PRR16: variants seen among roughly 807,000 people sequenced by gnomAD.
The protein encoded by PRR16 is proline rich 16.
PRR16 carries 6 observed loss-of-function variants against 18.2 expected under a neutral mutation model. The ratio of observed to expected loss-of-function variants is 0.33; its 90% CI spans 0.18 to 0.65. PRR16 has a LOEUF of 0.65. Among genes scored for constraint, PRR16 ranks in the 30% least tolerant of loss-of-function variants. PRR16 has a pLI of 0.74. For missense variants in PRR16, 412 were observed against 376.6 expected, an observed-to-expected ratio of 1.09 and a Z score of -0.78; for synonymous variants, 151 against 147.8, an observed-to-expected ratio of 1.02 and a Z score of -0.16.
At chr5:120,558,456 C>A (rs1752482221) in intron 1 of PRR16, among the ~76,000 whole-genome samples, 1 of 151,898 alleles carries the variant, frequency 6.6e-6, no homozygotes. Flanking sequence ...CAGCTCCATC[C>A]ATGTTGTAGA....
chr5:120,748,056 A>G, the PRR16 span, among the ~76,000 whole-genome samples: 1 of 152,116 alleles, frequency 6.6e-6, no homozygotes, highest in Non-Finnish European at 1.5e-5. Context: ...TGATCCGTGC[A>G]CTATCAGATC....
chr5:120,731,109 A>G, the PRR16 span, among the ~76,000 whole-genome samples: 1 of 152,172 alleles, frequency 6.6e-6, no homozygotes, highest in African/African-American at 2.4e-5. Flanking sequence ...AAATTGAGGT[A>G]TAAGTTATAC....
At chr5:120,675,012 A>C (rs1223032149) in intron 1 of PRR16, among the ~76,000 whole-genome samples, 1 of 152,152 alleles carries the variant, frequency 6.6e-6, no homozygotes, top group African/African-American at 2.4e-5. Flanking sequence ...AATTAGACTT[A>C]CTACAAAGTT....
chr5:120,588,747 TTGTGACC>T (rs1753535243), intron 1 of PRR16, among the ~76,000 whole-genome samples: 1 of 152,140 alleles, frequency 6.6e-6, no homozygotes, highest in Non-Finnish European at 1.5e-5. Flanking sequence ...TAGCTTTTTA[TTGTGACC>T]TTAAGTAATT....
chr5:120,645,790 A>T (rs1375087621), intron 1 of PRR16, among the ~76,000 whole-genome samples: 1 of 151,932 alleles, frequency 6.6e-6, no homozygotes, highest in African/African-American at 2.4e-5. Flanking sequence ...TCTAGTGATC[A>T]ATTTATCTGC....
chr5:120,731,297 A>G, the PRR16 span, among the ~76,000 whole-genome samples: 2 of 152,326 alleles, frequency 1.3e-5, no homozygotes, highest in East Asian at 1.9e-4. Context: ...AGAAATCTTC[A>G]TAGTTCTTCA....
downstream of PRR16, among the ~76,000 whole-genome samples, chr5:120,690,667 T>C (rs1039440921): frequency 2.0e-5 from 3 of 152,238 alleles, no homozygotes; most frequent in Admixed American, 2.0e-4. Context: ...CAAGTTTAAA[T>C]GTTTACAGTA....
intron 1 of PRR16, among the ~76,000 whole-genome samples, chr5:120,586,713 G>T (rs1002580263): frequency 6.6e-6 from 1 of 151,996 alleles, no homozygotes; most frequent in Non-Finnish European, 1.5e-5. Flanking sequence ...GGCCATTTCC[G>T]TCTTTCTTCC....
At chr5:120,700,613 G>T in the PRR16 span, among the ~76,000 whole-genome samples, 10 of 152,082 alleles carry the variant, frequency 6.6e-5, no homozygotes, top group African/African-American at 2.4e-4. Flanking sequence ...GCTTAAAAGA[G>T]TATTGTCCAA....
chr5:120,704,180 G>A, the PRR16 span, among the ~76,000 whole-genome samples: 1 of 152,134 alleles, frequency 6.6e-6, no homozygotes. Flanking sequence ...CAAAAATTTT[G>A]TTGGTGGTGG....
intron 1 of PRR16, among the ~76,000 whole-genome samples, chr5:120,469,547 C>T (rs1243904622): frequency 6.6e-6 from 1 of 151,620 alleles, no homozygotes; most frequent in African/African-American, 2.4e-5. Context: ...CCAGGCTGAT[C>T]TTGAACACCT....
At chr5:120,506,451 A>T (rs1018682973) in intron 1 of PRR16, among the ~76,000 whole-genome samples, 1 of 152,174 alleles carries the variant, frequency 6.6e-6, no homozygotes, top group African/African-American at 2.4e-5. Context: ...ACTGATTTGT[A>T]TCAGTTAGTA....
intron 1 of PRR16, among the ~76,000 whole-genome samples, chr5:120,502,054 G>A (rs553279724): frequency 6.7e-6 from 1 of 149,942 alleles, no homozygotes; most frequent in Non-Finnish European, 1.5e-5. Context: ...AATGAAGTAC[G>A]TTAATAAAAG....
chr5:120,510,491 T>A (rs750496959), intron 1 of PRR16, among the ~76,000 whole-genome samples: 2 of 152,208 alleles, frequency 1.3e-5, no homozygotes, highest in African/African-American at 2.4e-5. Context: ...GAGATTATTT[T>A]GCACTTCCTA....
the PRR16 span, among the ~76,000 whole-genome samples, chr5:120,756,268 C>G: frequency 6.6e-6 from 1 of 152,084 alleles, no homozygotes; most frequent in Non-Finnish European, 1.5e-5. Flanking sequence ...GGAGTACCCT[C>G]TGATCCTTTT....
chr5:120,617,962 T>A (rs1028045723), intron 1 of PRR16, among the ~76,000 whole-genome samples: 8 of 152,136 alleles, frequency 5.3e-5, no homozygotes, highest in African/African-American at 1.9e-4. Context: ...GTTTCTTTGG[T>A]CTCAGTATTT....
intron 1 of PRR16, among the ~76,000 whole-genome samples, chr5:120,510,935 A>G (rs777338149): frequency 3.9e-5 from 6 of 152,174 alleles, no homozygotes; most frequent in Non-Finnish European, 7.4e-5. Context: ...GGAAACTAAT[A>G]TGATGTGGAT....
At chr5:120,630,099 A>G (rs1005777678) in intron 1 of PRR16, among the ~76,000 whole-genome samples, 1 of 152,036 alleles carries the variant, frequency 6.6e-6, no homozygotes, top group Non-Finnish European at 1.5e-5. Context: ...TTCTTTAAAT[A>G]CTAATTTATT....
intron 1 of PRR16, among the ~76,000 whole-genome samples, chr5:120,659,913 C>T (rs1303538482): frequency 6.6e-6 from 1 of 151,988 alleles, no homozygotes; most frequent in Non-Finnish European, 1.5e-5. Context: ...GGCTACTGAG[C>T]AGGTTGCTGA....
Sources: allele counts gnomAD v4.1 joint callset (sites outside exome capture counted in the v4.1 genomes callset), GRCh38; gene constraint gnomAD v4.1.1; transcripts MANE v1.5; gene names NCBI Gene and HGNC (gene_info 2026-07-23, HGNC 2026-07-21).